Variants in SLC30A8 observed in about 807,000 individuals in gnomAD.
SLC30A8 encodes the protein solute carrier family 30 member 8.
Under a neutral mutation model 36.9 loss-of-function variants are expected in SLC30A8, and 27 were observed. The ratio of observed to expected loss-of-function variants is 0.73; its 90% confidence interval spans 0.54 to 1.01. The LOEUF (loss-of-function observed/expected upper bound fraction) is 1.01, where lower values mean the gene tolerates loss of function less well. Among genes scored for constraint, SLC30A8 ranks in the 50% least tolerant of loss-of-function variants. SLC30A8 has a pLI of 0.00. For missense variants in SLC30A8, 439 were observed against 452.0 expected (o/e 0.97, Z 0.26); for synonymous variants, 164 against 172.4 (o/e 0.95, Z 0.38).
chr8:117,007,138 C>G (rs779459008), intron 1 of SLC30A8: 1 of 151,554 alleles, frequency 6.6e-6, no homozygotes, highest in Non-Finnish European at 1.5e-5. Flanking sequence ...AAAACCTATG[C>G]TGTAGCACAT....
chr8:117,090,041 C>T (rs924583154), intron 2 of SLC30A8, among the ~76,000 whole-genome samples: 10 of 151,940 alleles, frequency 6.6e-5, no homozygotes, highest in Admixed American at 6.6e-5. Flanking sequence ...GGCATGATCT[C>T]GGCTCACTGC....
chr8:116,993,719 T>C (rs113803259), intron 1 of SLC30A8, among the ~76,000 whole-genome samples: 3 of 152,026 alleles, frequency 2.0e-5, no homozygotes, highest in East Asian at 3.9e-4. Flanking sequence ...TGAGAACTCA[T>C]TGAAAAAGCT....
intron 1 of SLC30A8, among the ~76,000 whole-genome samples, chr8:116,974,774 C>T (rs1016477253): frequency 1.3e-4 from 20 of 151,924 alleles, no homozygotes; most frequent in African/African-American, 3.6e-4. Context: ...ATAACAGAGA[C>T]GTAGAACCAA....
intron 2 of SLC30A8, among the ~76,000 whole-genome samples, chr8:117,121,450 A>G (rs1028435970): frequency 7.2e-5 from 11 of 151,900 alleles, no homozygotes; most frequent in South Asian, 2.1e-4. Flanking sequence ...ATAATGGCAG[A>G]TTCAGTGTCT....
intron 2 of SLC30A8, among the ~76,000 whole-genome samples, chr8:117,059,001 A>G (rs151033491): frequency 6.0e-4 from 90 of 150,460 alleles, no homozygotes; most frequent in African/African-American, 2.1e-3. Context: ...AATTGCAAGG[A>G]TAAAAGTTCA....
chr8:116,978,265 A>T (rs944032691), intron 1 of SLC30A8, among the ~76,000 whole-genome samples: 1 of 152,164 alleles, frequency 6.6e-6, no homozygotes, highest in African/African-American at 2.4e-5. Flanking sequence ...ATTATTAATA[A>T]TGAATATGCT....
intron 4 of SLC30A8, 97 bp from the exon 5 acceptor site, chr8:117,161,640 AT>A: frequency 8.7e-7 from 1 of 1,155,536 alleles, no homozygotes; most frequent in Non-Finnish European, 1.2e-6. Context: ...ACTATCCATC[AT>A]TTTGGATAAT....
At chr8:117,046,034 G>T (rs1312979583) in intron 2 of SLC30A8, among the ~76,000 whole-genome samples, 1 of 151,732 alleles carries the variant, frequency 6.6e-6, no homozygotes, top group African/African-American at 2.4e-5. Flanking sequence ...TGTGACAGAT[G>T]ATGGTATATG....
chr8:116,991,486 G>A (rs1021067219), intron 1 of SLC30A8, among the ~76,000 whole-genome samples: 1 of 151,956 alleles, frequency 6.6e-6, no homozygotes, highest in Non-Finnish European at 1.5e-5. Flanking sequence ...TGTATTTTTA[G>A]TAGAGACGGG....
chr8:117,096,847 A>T (rs1007173594), intron 2 of SLC30A8, among the ~76,000 whole-genome samples: 2 of 152,040 alleles, frequency 1.3e-5, no homozygotes, highest in Non-Finnish European at 2.9e-5. Context: ...CTTGTCTTTG[A>T]AGCCTGCACC....
chr8:116,973,520 T>C (rs1309632106), intron 1 of SLC30A8, among the ~76,000 whole-genome samples: 1 of 152,174 alleles, frequency 6.6e-6, no homozygotes, highest in Non-Finnish European at 1.5e-5. Context: ...TACAAACCGC[T>C]GCTCAACGAA....
At chr8:117,080,114 CTA>C (rs1338102891) in intron 2 of SLC30A8, among the ~76,000 whole-genome samples, 1 of 152,080 alleles carries the variant, frequency 6.6e-6, no homozygotes, top group Non-Finnish European at 1.5e-5. Context: ...CTTAACCACC[CTA>C]TCTTTCTTAA....
chr8:117,047,298 C>T (rs1306287387), intron 2 of SLC30A8, among the ~76,000 whole-genome samples: 1 of 152,140 alleles, frequency 6.6e-6, no homozygotes, highest in Non-Finnish European at 1.5e-5. Context: ...CATGAGGAAA[C>T]CAAGGCTCAG....
intron 2 of SLC30A8, among the ~76,000 whole-genome samples, chr8:117,093,183 A>G (rs940238629): frequency 1.3e-5 from 2 of 151,940 alleles, no homozygotes; most frequent in African/African-American, 4.8e-5. Context: ...TGGCCCAGGT[A>G]TCCTTCTCTT....
intron 1 of SLC30A8, among the ~76,000 whole-genome samples, chr8:116,995,125 GCTCTAAACTGATTCTGCCCTACCTCAGC>G (rs1815773136): frequency 6.6e-6 from 1 of 152,040 alleles, no homozygotes; most frequent in Non-Finnish European, 1.5e-5. Flanking sequence ...AGAGATCTCG[GCTCTAAACTGATTCTGCCCTACCTCAGC>G]CTCTAAACTG....
intron 1 of SLC30A8, among the ~76,000 whole-genome samples, chr8:116,985,627 A>G (rs757748468): frequency 8.3e-4 from 126 of 152,280 alleles, no homozygotes; most frequent in Admixed American, 1.6e-3. Flanking sequence ...ATACAATTTT[A>G]CAATTTTGAT....
At chr8:116,992,278 G>A (rs1002067190) in intron 1 of SLC30A8, among the ~76,000 whole-genome samples, 1 of 152,164 alleles carries the variant, frequency 6.6e-6, no homozygotes, top group Non-Finnish European at 1.5e-5. Flanking sequence ...AAATGCAAAT[G>A]AGGAGTTTTG....
rs564397464 is a variant in SLC30A8 at position 117,157,549 on chromosome 8, AC to A, written c.419-141del. On this transcript the variant is annotated intron_variant, in intron 3 of 7. Coordinates refer to ENST00000456015, the MANE Select transcript of SLC30A8 (RefSeq NM_173851.3). ...TCTCTTAGTTTTAAAATCCATCCAC[AC>A]TTTTACTTTGTGAATCACTGGATGA... 1.9e-4 allele frequency: 159 copies of A among 850,382 alleles called. No homozygotes were observed. In the African/African-American group the frequency reaches 2.4e-3, roughly 13 times the overall value. The allele number at this position is 850,382 out of a possible 1,614,324, so 52.7% of individuals were successfully genotyped here.
At chr8:117,100,843 T>C (rs1345982699) in intron 2 of SLC30A8, among the ~76,000 whole-genome samples, 30 of 152,202 alleles carry the variant, frequency 2.0e-4, no homozygotes, top group Non-Finnish European at 1.5e-5. Flanking sequence ...CATAAAATTG[T>C]TACCCAGAGC....
Sources: gnomAD v4.1 joint callset for allele counts (sites outside exome capture counted in the v4.1 genomes callset) on GRCh38, gnomAD v4.1.1 for gene constraint, MANE v1.5 for transcripts, NCBI Gene and HGNC (gene_info 2026-07-23, HGNC 2026-07-21) for gene names.